The following KIF26B variants were observed in gnomAD, a reference collection of about 807,000 sequenced individuals.
KIF26B encodes kinesin family member 26B, also known as kinesin-like protein KIF26B.
KIF26B carries 63 observed loss-of-function variants against 151.2 expected under a neutral mutation model. That is an observed-to-expected ratio of 0.42 (90% confidence interval 0.34 to 0.51). The LOEUF is 0.51. KIF26B is among the 20% of genes least tolerant of loss of function. The pLI, the probability that KIF26B is intolerant of heterozygous loss-of-function variation, is 0.07. For synonymous variants in KIF26B, 1,357 were observed against 1,262.1 expected (o/e 1.08, Z -1.59); for missense variants, 2,813 against 2,913.6 (o/e 0.97, Z 0.79).
rs1457905332 is a variant in KIF26B at position 245,367,510 on chromosome 1, A to AT, written c.999+144dup. 2.4e-5 allele frequency: 20 copies of AT among 840,424 alleles called. No individual in the cohort carries two copies. The highest frequency in any genetic ancestry group is 3.4e-5 in the Non-Finnish European group (19 of 555,818). The allele number at this position is 840,424 out of a possible 1,614,324, so 52.1% of individuals were successfully genotyped here. A position where few individuals can be genotyped will look rare whatever the true frequency, so the allele number is the denominator to read the frequency against. On this transcript the variant is annotated intron_variant, in intron 3 of 14. Transcript: ENST00000407071. The surrounding 1 kb of genome is among the most constrained non-coding windows in gnomAD (Gnocchi z 4.2). ...TCCATGTGGCCCCCACAGAGTTCTC[A>AT]TCAAGGTGCCCCACCCGGGCCTGCC...
intron 2 of KIF26B, among the ~76,000 whole-genome samples, chr1:245,253,734 CTTAAA>C (rs984087339): frequency 5.1e-5 from 7 of 138,370 alleles, no homozygotes; most frequent in African/African-American, 8.0e-5. Flanking sequence ...TATATTTATT[CTTAAA>C]TTATATATAG....
chr1:245,245,394 C>T (rs530941215), intron 2 of KIF26B, among the ~76,000 whole-genome samples: 1 of 152,234 alleles, frequency 6.6e-6, no homozygotes, highest in South Asian at 2.1e-4. Context: ...TGGGGTGATG[C>T]CTGGTCAGAT....
At chr1:245,577,910 C>T (rs183848950) in intron 5 of KIF26B, among the ~76,000 whole-genome samples, 2 of 151,318 alleles carry the variant, frequency 1.3e-5, no homozygotes, top group Admixed American at 6.6e-5. Flanking sequence ...GCGATGCTTC[C>T]CCTACAAGGA....
rs377265200 is a variant in KIF26B, at chr1:245,607,743, G to C, written c.1650G>C (p.Leu550=). The C allele has an allele frequency of 2.2e-5, 36 of 1,610,226 alleles. No homozygotes were observed. The African/African-American group carries it at 4.1e-4, about 19-fold the overall frequency. Residue 550 remains leucine (L), a splice_region_variant and synonymous_variant, in exon 7 of 15, where the codon CTG becomes CTC. Transcript: ENST00000407071. ...TGTTCTGTTTCGGCCACGCCAAACT[G>C]GGTTCGTGAGAGTTTCACTTTCTCA... ...GCVFCFGHAK[L]GKSYTMIGKD... is the part of the protein sequence containing the mutation.
At chr1:245,466,862 G>T (rs2103061271) in intron 4 of KIF26B, among the ~76,000 whole-genome samples, 1 of 152,292 alleles carries the variant, frequency 6.6e-6, no homozygotes, top group South Asian at 2.1e-4. Flanking sequence ...GGGGACAGAG[G>T]TTGCCGTGAG....
chr1:245,268,173 AAAG>A (rs1449811188), intron 2 of KIF26B, among the ~76,000 whole-genome samples: 3 of 152,066 alleles, frequency 2.0e-5, no homozygotes, highest in African/African-American at 4.8e-5. Flanking sequence ...CCCCGTCTGT[AAAG>A]AAATAATAAC....
rs1011803210 is a variant in KIF26B, at chr1:245,687,356, A to T, written c.4373A>T (p.Glu1458Val). The stretch of plus-strand genomic sequence containing the variant: ...AAAGAGACGGCTCATCCCAATGAAG[A>T]AGGGATGATGAGGTGTGAGACTGCC... ...VKKETAHPNE[E>V]GMMRCETATG... is the part of the protein sequence containing the mutation. The change falls in exon 12 of 15, where the codon GAA becomes GTA. Residue 1458 changes from glutamate to valine, a missense_variant. By Grantham distance (121) the Glu-to-Val change is moderately radical. This residue lies in a region of KIF26B where 2,060 missense variants were observed against 2,088.6 expected (regional missense o/e 0.99). Transcript: ENST00000407071. The surrounding 1 kb of genome is among the most constrained non-coding windows in gnomAD (Gnocchi z 4.9). 1.3e-6 allele frequency: 2 copies of T among 1,594,104 alleles called. No individual in the cohort carries two copies. Among genetic ancestry groups the T allele is most frequent in the African/African-American group, 2.7e-5 (2 of 74,620 alleles).
chr1:245,692,955 T>C (rs2044646269), intron 12 of KIF26B, among the ~76,000 whole-genome samples: 2 of 152,146 alleles, frequency 1.3e-5, no homozygotes, highest in Admixed American at 1.3e-4. Flanking sequence ...CAGCTGAGGA[T>C]GTCAATCTGT....
At chr1:245,471,267 A>G (rs1320157886) in intron 4 of KIF26B, among the ~76,000 whole-genome samples, 2 of 152,084 alleles carry the variant, frequency 1.3e-5, no homozygotes, top group South Asian at 4.2e-4. Flanking sequence ...AGTAGCTGGG[A>G]TTACAGGCAT....
rs754386095 is a variant in KIF26B at position 245,419,761 on chromosome 1, A to G, written c.1166+16A>G. On this transcript the variant is annotated intron_variant, in intron 4 of 14. Transcript: ENST00000407071. Reference sequence around the variant, plus strand: ...TCTTTGCACGGTAAGAGAGCTGTTCAGATCCTTGGTTCTTTCCGATGAGCC... The same window carrying G: ...TCTTTGCACGGTAAGAGAGCTGTTCGGATCCTTGGTTCTTTCCGATGAGCC... 1.9e-6 allele frequency: 3 copies of G among 1,596,266 alleles called. No homozygotes were observed. In the East Asian group the frequency reaches 6.7e-5, roughly 36 times the overall value.
chr1:245,283,726 C>T (rs759646892), intron 2 of KIF26B, among the ~76,000 whole-genome samples: 1 of 147,480 alleles, frequency 6.8e-6, no homozygotes, highest in Non-Finnish European at 1.5e-5. Flanking sequence ...CTCACTCTGT[C>T]GCCCAGGCTA....
chr1:245,514,537 T>A (rs1341471903), intron 4 of KIF26B, among the ~76,000 whole-genome samples: 3 of 151,488 alleles, frequency 2.0e-5, no homozygotes, highest in Non-Finnish European at 4.4e-5. Flanking sequence ...ATCTCAAAAA[T>A]AATAATAATA....
rs144262021 is a variant in KIF26B, at chr1:245,382,732, C to A, written c.999+15365C>A. 1.1e-4 allele frequency among the ~76,000 whole-genome samples: 17 copies of A among 151,962 alleles called. 1 individual carries two copies. The East Asian group carries it at 3.3e-3, about 29-fold the overall frequency. ...TACAGGCATGCACCACCACGCCCGG[C>A]TAATTTTGTATTTTTAGTACAGACG... On this transcript the variant is annotated intron_variant, in intron 3 of 14. Coordinates refer to ENST00000407071, the MANE Select transcript of KIF26B (RefSeq NM_018012.4).
At chr1:245,386,424 G>A (rs986232968) in intron 3 of KIF26B, among the ~76,000 whole-genome samples, 12 of 152,220 alleles carry the variant, frequency 7.9e-5, no homozygotes, top group Non-Finnish European at 1.6e-4. Context: ...GATGGGGGCC[G>A]GGGGCTATGA....
intron 4 of KIF26B, among the ~76,000 whole-genome samples, chr1:245,494,763 C>T (rs529477857): frequency 2.0e-5 from 3 of 152,244 alleles, no homozygotes; most frequent in South Asian, 4.1e-4. Context: ...TGGGGCCAGG[C>T]GTGGTGGCTC....
At chr1:245,368,620 G>T (rs1475002497) in intron 3 of KIF26B, among the ~76,000 whole-genome samples, 1 of 152,096 alleles carries the variant, frequency 6.6e-6, no homozygotes, top group Non-Finnish European at 1.5e-5. Context: ...TGTCATAGGG[G>T]GTGTTTGGTA....
chr1:245,641,600 A>G (rs887551087), intron 9 of KIF26B, among the ~76,000 whole-genome samples: 13 of 151,622 alleles, frequency 8.6e-5, no homozygotes, highest in African/African-American at 3.2e-4. Flanking sequence ...CTTCTTTTTG[A>G]TCAATTCCTC....
At chr1:245,676,331 G>A (rs2044357118) in intron 10 of KIF26B, 1 of 152,160 alleles carries the variant, frequency 6.6e-6, no homozygotes, top group Non-Finnish European at 1.5e-5. Flanking sequence ...CATTGTTCTA[G>A]GTAAGAAGGA....
intron 2 of KIF26B, among the ~76,000 whole-genome samples, chr1:245,269,985 T>G (rs1670822010): frequency 3.3e-5 from 5 of 152,240 alleles, no homozygotes; most frequent in Admixed American, 2.0e-4. Flanking sequence ...CTAGATCACA[T>G]GGTAGTTCTG....
Sources: allele counts gnomAD v4.1 joint callset (sites outside exome capture counted in the v4.1 genomes callset), GRCh38; gene constraint gnomAD v4.1.1; regional missense constraint gnomAD v4.1.1; non-coding constraint Gnocchi (gnomAD v3.1); transcripts MANE v1.5; gene names NCBI Gene and HGNC (gene_info 2026-07-23, HGNC 2026-07-21).